NPEPL1: variants seen among roughly 807,000 people sequenced by gnomAD.
The protein encoded by NPEPL1 is aminopeptidase like 1.
NPEPL1 carries 45 observed loss-of-function variants against 52.4 expected under a neutral mutation model. That is an observed-to-expected ratio of 0.86 (90% confidence interval 0.68 to 1.10). The LOEUF is 1.10. Among genes scored for constraint, NPEPL1 ranks in the 50% least tolerant of loss-of-function variants. The pLI is 0.00. For missense variants in NPEPL1, 696 were observed against 710.9 expected (o/e 0.98, Z 0.24); for synonymous variants, 360 against 314.7 (o/e 1.14, Z -1.52).
intron 11 of NPEPL1, 146 bp downstream of exon 11, chr20:58,714,816 G>A: frequency 4.5e-6 from 3 of 668,384 alleles, no homozygotes; most frequent in Non-Finnish European, 7.7e-6. Context: ...ACCACCCCCA[G>A]GTCTCATCCT....
chr20:58,696,393 T>C (rs1793346759), intron 3 of NPEPL1, among the ~76,000 whole-genome samples: 1 of 152,204 alleles, frequency 6.6e-6, no homozygotes, highest in African/African-American at 2.4e-5. Flanking sequence ...TGTCACATCT[T>C]TGTTGATCTC....
At chr20:58,696,814 T>G (rs892061525) in intron 3 of NPEPL1, among the ~76,000 whole-genome samples, 1 of 152,246 alleles carries the variant, frequency 6.6e-6, no homozygotes, top group Non-Finnish European at 1.5e-5. Context: ...CACTGAATTC[T>G]CACTACAGCC....
At chr20:58,699,504 G>T (rs55981342) in intron 5 of NPEPL1, among the ~76,000 whole-genome samples, 15,423 of 152,242 alleles carry the variant, frequency 0.1, 1,089 homozygotes, top group African/African-American at 0.2. Flanking sequence ...TCTGGAAGCT[G>T]CTAGATCCAA....
chr20:58,706,698 C>T (rs1429143200), intron 6 of NPEPL1, among the ~76,000 whole-genome samples: 1 of 150,482 alleles, frequency 6.6e-6, no homozygotes, highest in Non-Finnish European at 1.5e-5. Flanking sequence ...GAGAGAGTGG[C>T]CCTGCAGACA....
chr20:58,706,888 G>C (rs1005301995), intron 6 of NPEPL1, among the ~76,000 whole-genome samples: 5 of 152,166 alleles, frequency 3.3e-5, no homozygotes, highest in Non-Finnish European at 5.9e-5. Flanking sequence ...AAAACAAAAG[G>C]GAGCCTCACC....
At chr20:58,707,972 C>T (rs1568857526) in intron 7 of NPEPL1, among the ~76,000 whole-genome samples, 3 of 152,254 alleles carry the variant, frequency 2.0e-5, no homozygotes, top group South Asian at 4.1e-4. Context: ...GTCTCAGCTA[C>T]TTGGGAGGCT....
Position 58,699,241 on chromosome 20 carries a change from C to T in NPEPL1, c.642C>T (p.Ile214=). The change falls in exon 5 of 12, where the codon ATC becomes ATT. Residue 214 remains isoleucine, a synonymous_variant. Coordinates refer to ENST00000356091, the MANE Select transcript of NPEPL1 (RefSeq NM_024663.4). ...VGKELGIIPT[I]IRDEELKTRG... is the part of the protein sequence containing the mutation. ...AGGAGCTGGGGATCATCCCAACCAT[C>T]ATCCGGGATGAGGAACTGAAGACGA... 6.2e-7 allele frequency: 1 copy of T among 1,607,180 alleles called. No individual in the cohort carries two copies. The highest frequency in any genetic ancestry group is 8.5e-7 in the Non-Finnish European group (1 of 1,176,884).
At chr20:58,692,150 C>G, upstream of NPEPL1, 1 of 390,720 alleles carries the variant, frequency 2.6e-6, no homozygotes, top group Non-Finnish European at 4.7e-6. The surrounding 1 kb of genome is among the most constrained non-coding windows in gnomAD (Gnocchi z 5.7). Context: ...CCAGGCAGTG[C>G]CTGGATTTGT....
In NPEPL1 at chr20:58,701,051, C is replaced by T. The variant is rs1264176578; in HGVS notation, c.715C>T (p.Pro239Ser). The change falls in exon 6 of 12, where the codon CCA (proline) becomes TCA (serine). Residue 239 changes from proline to serine, a missense_variant. Physicochemically the swap from Pro to Ser is moderately conservative, Grantham distance 74. Coordinates refer to ENST00000356091, the MANE Select transcript of NPEPL1 (RefSeq NM_024663.4). Reference protein sequence around the residue: ...YGVGKAALHPPALAVLSHTPD... With the variant: ...YGVGKAALHPSALAVLSHTPD... ...GGTTGGCAAAGCCGCCCTGCATCCCCCAGCCCTGGCCGTCCTCAGCCACAC... is the reference window on the plus strand; with the variant it reads ...GGTTGGCAAAGCCGCCCTGCATCCCTCAGCCCTGGCCGTCCTCAGCCACAC... 6 of 1,595,984 alleles carry T rather than the reference C, an allele frequency of 3.8e-6. No individual in the cohort carries two copies. The highest frequency in any genetic ancestry group is 5.1e-6 in the Non-Finnish European group (6 of 1,172,254).
At chr20:58,696,361 G>A (rs1429232288) in intron 3 of NPEPL1, among the ~76,000 whole-genome samples, 1 of 152,206 alleles carries the variant, frequency 6.6e-6, no homozygotes, top group Non-Finnish European at 1.5e-5. Flanking sequence ...CCATTTGTCA[G>A]CTAAACCATC....
At chr20:58,700,670 C>T (rs763189522) in intron 5 of NPEPL1, among the ~76,000 whole-genome samples, 6 of 152,214 alleles carry the variant, frequency 3.9e-5, no homozygotes, top group African/African-American at 1.2e-4. Flanking sequence ...GAAGTGGGGA[C>T]GAGCATGGGC....
At chr20:58,698,903 C>A in intron 4 of NPEPL1, 130 bp downstream of exon 4, 4 of 761,064 alleles carry the variant, frequency 5.3e-6, no homozygotes, top group Non-Finnish European at 8.5e-6. Flanking sequence ...CTGCCCTCGG[C>A]GGAGCGCTGC....
intron 5 of NPEPL1, among the ~76,000 whole-genome samples, chr20:58,700,617 G>A (rs545981288): frequency 6.6e-6 from 1 of 152,358 alleles, no homozygotes; most frequent in Admixed American, 6.5e-5. Context: ...GTGGGAGCGA[G>A]TGTGAAAGGG....
At chr20:58,694,889 C>T (rs938948844) in intron 3 of NPEPL1, among the ~76,000 whole-genome samples, 14 of 152,248 alleles carry the variant, frequency 9.2e-5, no homozygotes, top group Non-Finnish European at 1.9e-4. Flanking sequence ...TTTATGTGAG[C>T]TCCGTGTGCA....
chr20:58,702,532 T>TTTTG (rs1406750329), intron 6 of NPEPL1, among the ~76,000 whole-genome samples: 1 of 152,088 alleles, frequency 6.6e-6, no homozygotes, highest in Non-Finnish European at 1.5e-5. Flanking sequence ...AAAAAGGGTT[T>TTTTG]TTTGTTTTTT....
intron 4 of NPEPL1, 97 bp from the exon 5 acceptor site, chr20:58,699,100 A>C (rs983243899): frequency 5.1e-6 from 6 of 1,181,386 alleles, no homozygotes; most frequent in Non-Finnish European, 7.4e-6. Context: ...GACGCGGCAC[A>C]GGCAGCGGTT....
intron 1 of NPEPL1, 167 bp from the exon 2 acceptor site, chr20:58,693,570 G>T (rs939013106): frequency 1.7e-6 from 1 of 596,382 alleles, no homozygotes; most frequent in Non-Finnish European, 2.9e-6. Flanking sequence ...AGTTAGCTCT[G>T]CAGAGAGGCG....
At chr20:58,707,822 A>G (rs1461602711) in intron 7 of NPEPL1, among the ~76,000 whole-genome samples, 4 of 152,228 alleles carry the variant, frequency 2.6e-5, no homozygotes. Context: ...TCATGCTGGT[A>G]ATCCCAGAAC....
At chr20:58,700,629 G>A (rs1053453984) in intron 5 of NPEPL1, among the ~76,000 whole-genome samples, 3 of 152,220 alleles carry the variant, frequency 2.0e-5, no homozygotes, top group Admixed American at 6.5e-5. Flanking sequence ...GTGAAAGGGC[G>A]GTGCAGTCCC....
Sources: allele counts gnomAD v4.1 joint callset (sites outside exome capture counted in the v4.1 genomes callset), GRCh38; gene constraint gnomAD v4.1.1; non-coding constraint Gnocchi (gnomAD v3.1); transcripts MANE v1.5; gene names NCBI Gene and HGNC (gene_info 2026-07-23, HGNC 2026-07-21).